FAM13B: variants seen among roughly 807,000 people sequenced by gnomAD.
The protein encoded by FAM13B is protein FAM13B.
A neutral mutation model predicts 117.3 loss-of-function variants in FAM13B; 60 were observed. The observed-to-expected ratio is 0.51, with a 90% CI of 0.42 to 0.63. FAM13B has a LOEUF of 0.63. Among genes scored for constraint, FAM13B ranks in the 30% least tolerant of loss-of-function variants. The pLI, the probability that FAM13B is intolerant of heterozygous loss-of-function variation, is 0.00. For synonymous variants in FAM13B, 332 were observed against 356.1 expected (o/e 0.93, Z 0.76); for missense variants, 972 against 1,091.9 (o/e 0.89, Z 1.55).
chr5:138,033,051 C>T lies in FAM13B; in HGVS notation c.-472G>A. On this transcript the variant is annotated 5_prime_UTR_variant, in exon 1 of 24. Coordinates refer to ENST00000689681, the MANE Select transcript of FAM13B (RefSeq NM_001385994.1). ...AGGCGGCGGCTGAGGTGCAGAGCCT[C>T]CCTAACGGCGAGCGGGAGGAGAGCG... 1.0e-6 allele frequency: 1 copy of T among 986,690 alleles called. No homozygotes were observed. The highest frequency in any genetic ancestry group is 1.2e-6 in the Non-Finnish European group (1 of 831,080). 61.1% of individuals were successfully genotyped at this position (986,690 alleles called of 1,614,324 possible). A position where few individuals can be genotyped will look rare whatever the true frequency, so the allele number is the denominator to read the frequency against.
rs1179600342 is a variant in FAM13B at position 137,956,526 on chromosome 5, A to G, written c.1458T>C (p.Thr486=). The G allele has an allele frequency of 6.3e-7, 1 of 1,598,524 alleles. No homozygotes were observed. Among genetic ancestry groups the G allele is most frequent in the Non-Finnish European group, 8.5e-7 (1 of 1,171,760 alleles). ...TTGTTTTGAAATCAATGAGGGGAAA[A>G]GTGATAGGGCATGACGCTAATAAAA... ...GDKWEASCPI[T]FPLIDFKTMH... is the part of the protein sequence containing the mutation. Residue 486 remains threonine (T), a synonymous_variant, in exon 14 of 24, where the codon ACT becomes ACC. Coordinates refer to ENST00000689681, the MANE Select transcript of FAM13B (RefSeq NM_001385994.1).
chr5:138,035,396 A>C (rs1791062958), upstream of FAM13B, among the ~76,000 whole-genome samples: 1 of 152,000 alleles, frequency 6.6e-6, no homozygotes, highest in Non-Finnish European at 1.5e-5. Context: ...CCCCTCAAAA[A>C]CTGCAGAACA....
intron 10 of FAM13B, among the ~76,000 whole-genome samples, chr5:137,970,435 T>G (rs1436507996): frequency 1.3e-5 from 2 of 152,044 alleles, no homozygotes; most frequent in East Asian, 3.9e-4. Flanking sequence ...CCACCAGGCC[T>G]GCCCTAAAAG....
intron 10 of FAM13B, among the ~76,000 whole-genome samples, chr5:137,975,152 C>T (rs1042079262): frequency 6.6e-6 from 1 of 152,166 alleles, no homozygotes; most frequent in Non-Finnish European, 1.5e-5. Flanking sequence ...TTCCTAGACA[C>T]AAGTTACTTT....
intron 8 of FAM13B, 118 bp from the exon 9 acceptor site, chr5:137,987,734 C>T: frequency 1.1e-6 from 1 of 878,384 alleles, no homozygotes; most frequent in Non-Finnish European, 1.7e-6. Flanking sequence ...ATGGGTAAAC[C>T]AAAGTGTAAA....
chr5:137,948,512 C>T (rs975278373), intron 18 of FAM13B, among the ~76,000 whole-genome samples: 4 of 152,146 alleles, frequency 2.6e-5, no homozygotes, highest in Non-Finnish European at 5.9e-5. Flanking sequence ...CCCACCTCAG[C>T]CTTCCAAGTA....
chr5:138,018,480 A>G lies in FAM13B; in HGVS notation c.192T>C (p.Asn64=). 6.2e-7 allele frequency: 1 copy of G among 1,614,116 alleles called. No individual in the cohort carries two copies. The highest frequency in any genetic ancestry group is 2.2e-5 in the East Asian group (1 of 44,870). Residue 64 remains asparagine (N), a synonymous_variant, in exon 4 of 24, where the codon AAT becomes AAC. Coordinates refer to ENST00000689681, the MANE Select transcript of FAM13B (RefSeq NM_001385994.1). ...GLEQQGLFQV[N]GNAETVEWLR... ...GCCACTCCACTGTCTCAGCATTTCC[A>G]TTGACTTGAAAAAGTCCTTGTTGCT... is the stretch of plus-strand genomic sequence containing the variant.
chr5:137,949,177 T>G lies in FAM13B; in HGVS notation c.1938A>C (p.Lys646Asn). 6.2e-7 allele frequency: 1 copy of G among 1,613,722 alleles called. No individual in the cohort carries two copies. The highest frequency in any genetic ancestry group is 8.5e-7 in the Non-Finnish European group (1 of 1,179,740). Reference protein sequence around the residue: ...TKLRKQIKDAKHKNSDGEFVP... With the variant: ...TKLRKQIKDANHKNSDGEFVP... ...CAAATTCTCCATCAGAATTTTTGTGTTTTGCATCTACATGTCAGAAATAAG... is the reference window on the plus strand; with the variant it reads ...CAAATTCTCCATCAGAATTTTTGTGGTTTGCATCTACATGTCAGAAATAAG... The change falls in exon 18 of 24, where the codon AAA becomes AAC. Residue 646 changes from lysine to asparagine, a missense_variant. Transcript: ENST00000689681.
chr5:137,959,876 C>A, intron 12 of FAM13B, 113 bp from the exon 13 acceptor site: 1 of 992,250 alleles, frequency 1.0e-6, no homozygotes, highest in South Asian at 1.6e-5. Context: ...TGTGCCTATA[C>A]AGCCAACTGT....
At chr5:138,051,079 C>T (rs1791787237) in intron 1 of FAM13B, among the ~76,000 whole-genome samples, 1 of 152,076 alleles carries the variant, frequency 6.6e-6, no homozygotes, top group South Asian at 2.1e-4. Context: ...CTCTACTTCC[C>T]CCAAAAGTAA....
chr5:138,010,979 A>AAT (rs1783850403), intron 6 of FAM13B, 29 bp downstream of exon 6: 2 of 1,470,844 alleles, frequency 1.4e-6, no homozygotes, highest in East Asian at 5.0e-5. Context: ...AAAAAAAAAA[A>AAT]ATTATCCCTC....
intron 7 of FAM13B, among the ~76,000 whole-genome samples, chr5:137,997,140 G>T (rs888866756): frequency 3.3e-5 from 5 of 152,056 alleles, no homozygotes; most frequent in Admixed American, 2.6e-4. Flanking sequence ...ATTTTTTAAA[G>T]GTAAAAATTC....
chr5:138,037,653 A>C (rs547113566), upstream of FAM13B, among the ~76,000 whole-genome samples: 52 of 152,222 alleles, frequency 3.4e-4, no homozygotes, highest in African/African-American at 1.3e-3. Flanking sequence ...TTGCACCATC[A>C]GTAAGGAAAC....
At chr5:138,046,060 CG>C (rs1347218098) in intron 1 of FAM13B, among the ~76,000 whole-genome samples, 1 of 152,100 alleles carries the variant, frequency 6.6e-6, no homozygotes, top group African/African-American at 2.4e-5. Flanking sequence ...AATTGAATCA[CG>C]GGGGCAAGTC....
chr5:138,027,518 C>A (rs1788746486), intron 1 of FAM13B, among the ~76,000 whole-genome samples: 2 of 152,200 alleles, frequency 1.3e-5, no homozygotes, highest in Admixed American at 6.5e-5. Flanking sequence ...GCAAAAGGCA[C>A]CTCTTTCATT....
At chr5:137,970,754 G>C (rs1561476186) in intron 10 of FAM13B, among the ~76,000 whole-genome samples, 2 of 152,082 alleles carry the variant, frequency 1.3e-5, no homozygotes, top group African/African-American at 4.8e-5. Flanking sequence ...CAAAATAAAA[G>C]GATGGAGGAA....
At chr5:138,013,978 G>C (rs1784674187) in intron 4 of FAM13B, among the ~76,000 whole-genome samples, 1 of 152,120 alleles carries the variant, frequency 6.6e-6, no homozygotes, top group African/African-American at 2.4e-5. Flanking sequence ...TGTCGCTCCA[G>C]GCTGGAGTGC....
At chr5:138,000,606 C>T (rs971546095) in intron 7 of FAM13B, among the ~76,000 whole-genome samples, 2 of 152,056 alleles carry the variant, frequency 1.3e-5, no homozygotes, top group African/African-American at 2.4e-5. Context: ...TCCACGAGGT[C>T]ATAAATAGTT....
chr5:138,021,041 T>C lies in FAM13B; in HGVS notation c.-46A>G. 1 of 1,231,404 alleles carries C rather than the reference T, an allele frequency of 8.1e-7. No individual in the cohort carries two copies. Among genetic ancestry groups the C allele is most frequent in the Non-Finnish European group, 1.0e-6 (1 of 987,804 alleles). 76.3% of individuals were successfully genotyped at this position (1,231,404 alleles called of 1,614,324 possible). ...ATTTTGAAAACTTACCTTTCAGTAC[T>C]TAAATACCTAAGTTTAAAAAATGGC... On this transcript the variant is annotated 5_prime_UTR_variant, in exon 2 of 24. An upstream open reading frame in the 5' UTR loses its in-frame stop. Coordinates refer to ENST00000689681, the MANE Select transcript of FAM13B (RefSeq NM_001385994.1).
Sources: allele counts gnomAD v4.1 joint callset (sites outside exome capture counted in the v4.1 genomes callset), GRCh38; gene constraint gnomAD v4.1.1; transcripts MANE v1.5; gene names NCBI Gene and HGNC (gene_info 2026-07-23, HGNC 2026-07-21).